The following ZNF804B variants were observed in gnomAD, a reference collection of about 807,000 sequenced individuals.
ZNF804B encodes the protein zinc finger 804B.
Under a neutral mutation model 101.4 loss-of-function variants are expected in ZNF804B, and 80 were observed. The observed-to-expected ratio is 0.79, with a 90% CI of 0.66 to 0.95. ZNF804B has a LOEUF of 0.95. Among genes scored for constraint, ZNF804B ranks in the 40% least tolerant of loss-of-function variants. The pLI is 0.00. For missense variants in ZNF804B, 1,673 were observed against 1,561.9 expected (o/e 1.07, Z -1.20); for synonymous variants, 622 against 558.8 (o/e 1.11, Z -1.59).
At chr7:89,020,357 CTGTT>C (rs949254004) in intron 1 of ZNF804B, among the ~76,000 whole-genome samples, 3 of 151,752 alleles carry the variant, frequency 2.0e-5, no homozygotes, top group Admixed American at 6.6e-5. Flanking sequence ...AATTTTTTGT[CTGTT>C]TGTTTTAGTA....
rs185313189 is a variant in ZNF804B at position 89,127,975 on chromosome 7, T to C, written c.109-90180T>C. ...TCAGTTTTACTTTAGAAAAATGAAA[T>C]AATACTGTGCATAATCTTTTATAAC... is the stretch of plus-strand genomic sequence containing the variant. On this transcript the variant is annotated intron_variant, in intron 1 of 3. Coordinates refer to ENST00000333190, the MANE Select transcript of ZNF804B (RefSeq NM_181646.5). Among the ~76,000 whole-genome samples the C allele has an allele frequency of 1.3e-4, 19 of 151,932 alleles. No individual in the cohort carries two copies. In the East Asian group the frequency reaches 3.5e-3, roughly 28 times the overall value.
At chr7:88,884,341 A>G (rs530689846) in intron 1 of ZNF804B, among the ~76,000 whole-genome samples, 2 of 151,912 alleles carry the variant, frequency 1.3e-5, no homozygotes, top group African/African-American at 4.8e-5. Context: ...TTTAAAATGA[A>G]AAGTACATGT....
chr7:89,245,745 C>T (rs1298959456), intron 2 of ZNF804B, among the ~76,000 whole-genome samples: 1 of 152,014 alleles, frequency 6.6e-6, no homozygotes, highest in African/African-American at 2.4e-5. Context: ...GGGAATCCAC[C>T]AGAATAATGA....
intron 2 of ZNF804B, among the ~76,000 whole-genome samples, chr7:89,264,244 T>A (rs1789751308): frequency 6.6e-6 from 1 of 152,174 alleles, no homozygotes; most frequent in Non-Finnish European, 1.5e-5. Context: ...GAGCCAAGCC[T>A]CTTTGAAATA....
At chr7:88,767,632 G>A (rs1790004257) in intron 1 of ZNF804B, among the ~76,000 whole-genome samples, 1 of 152,170 alleles carries the variant, frequency 6.6e-6, no homozygotes, top group Admixed American at 6.5e-5. Flanking sequence ...TGATATGAAA[G>A]GAAGAGGCAT....
rs57009140 is a variant in ZNF804B, at chr7:88,816,015, G to A, written c.108+55931G>A. On this transcript the variant is annotated intron_variant, in intron 1 of 3. Transcript: ENST00000333190. ...TTGAATGCTCTTGCTATCCTACTCC[G>A]ACTCTAAATATTTCACACCAGGCAA... Among the ~76,000 whole-genome samples, 372 of 152,074 alleles carry A rather than the reference G, an allele frequency of 2.4e-3. 3 individuals are homozygous for A. The highest frequency in any genetic ancestry group is 8.9e-3 in the African/African-American group (368 of 41,456).
intron 1 of ZNF804B, among the ~76,000 whole-genome samples, chr7:89,144,444 G>A (rs1363708752): frequency 6.6e-6 from 1 of 151,856 alleles, no homozygotes; most frequent in Non-Finnish European, 1.5e-5. Context: ...TATTAGCCAG[G>A]CATAGAAAGA....
intron 1 of ZNF804B, among the ~76,000 whole-genome samples, chr7:88,770,887 T>C (rs1485015643): frequency 2.0e-5 from 3 of 152,202 alleles, no homozygotes; most frequent in Non-Finnish European, 4.4e-5. Flanking sequence ...GAACATCCTA[T>C]GCAATGTATA....
At chr7:88,799,631 C>T (rs1790548372) in intron 1 of ZNF804B, among the ~76,000 whole-genome samples, 1 of 151,994 alleles carries the variant, frequency 6.6e-6, no homozygotes, top group Admixed American at 6.6e-5. Flanking sequence ...TCATTTGTCT[C>T]AGATTTATTG....
rs1411373423 is a variant in ZNF804B, at chr7:88,908,360, A to G, written c.108+148276A>G. Among the ~76,000 whole-genome samples, 4 of 151,716 alleles carry G rather than the reference A, an allele frequency of 2.6e-5. No individual in the cohort carries two copies. The South Asian group carries it at 6.2e-4, about 24-fold the overall frequency. ...TTTAATGAATGATAGTTACTCCCAG[A>G]AAAATAATGAACACCTGTACATATA... On this transcript the variant is annotated intron_variant, in intron 1 of 3. Transcript: ENST00000333190.
intron 1 of ZNF804B, among the ~76,000 whole-genome samples, chr7:89,020,576 G>A (rs1788651354): frequency 6.6e-6 from 1 of 152,028 alleles, no homozygotes; most frequent in Non-Finnish European, 1.5e-5. Context: ...TGTAATCCTT[G>A]AGCTTTCTGG....
chr7:89,248,852 A>G (rs2115782130), intron 2 of ZNF804B, among the ~76,000 whole-genome samples: 1 of 152,266 alleles, frequency 6.6e-6, no homozygotes, highest in South Asian at 2.1e-4. Context: ...TGAATTTAAA[A>G]AAAGCACACA....
intron 1 of ZNF804B, among the ~76,000 whole-genome samples, chr7:88,980,499 GT>G (rs1212826334): frequency 6.6e-6 from 1 of 152,012 alleles, no homozygotes; most frequent in East Asian, 1.9e-4. Context: ...CTAAGTCTTT[GT>G]TCACTGCAGC....
intron 1 of ZNF804B, among the ~76,000 whole-genome samples, chr7:88,940,090 AAATT>A (rs1388519715): frequency 4.4e-4 from 67 of 152,172 alleles, no homozygotes; most frequent in African/African-American, 1.4e-3. Flanking sequence ...GTGTTCTCAC[AAATT>A]AATTATGTAC....
intron 1 of ZNF804B, among the ~76,000 whole-genome samples, chr7:88,992,219 TTAAAGTCCTATTTTGCA>T (rs1793858010): frequency 6.6e-6 from 1 of 152,280 alleles, no homozygotes; most frequent in South Asian, 2.1e-4. Flanking sequence ...TTATGTTGCT[TTAAAGTCCTATTTTGCA>T]TACCAAAATT....
intron 1 of ZNF804B, among the ~76,000 whole-genome samples, chr7:89,052,673 C>A (rs1327701511): frequency 1.3e-5 from 2 of 152,238 alleles, no homozygotes; most frequent in East Asian, 1.9e-4. Flanking sequence ...AAGCACAGAA[C>A]TCAAACCTCG....
intron 1 of ZNF804B, among the ~76,000 whole-genome samples, chr7:89,027,955 T>C (rs537584603): frequency 6.6e-6 from 1 of 152,312 alleles, no homozygotes; most frequent in Admixed American, 6.5e-5. Context: ...AAGGCTGTAC[T>C]GGAATGTCAG....
chr7:88,941,908 T>C (rs972912230), intron 1 of ZNF804B, among the ~76,000 whole-genome samples: 11 of 151,836 alleles, frequency 7.2e-5, no homozygotes, highest in Non-Finnish European at 1.5e-4. Flanking sequence ...CAAAAGGAAA[T>C]CCAAGGTAAC....
intron 1 of ZNF804B, among the ~76,000 whole-genome samples, chr7:89,091,030 A>G (rs80282482): frequency 0.011 from 1,708 of 152,274 alleles, 13 homozygotes; most frequent in Middle Eastern, 0.017. Flanking sequence ...TGAGCTTTCC[A>G]TACATAATGC....
Sources: allele counts gnomAD v4.1 joint callset (sites outside exome capture counted in the v4.1 genomes callset), GRCh38; gene constraint gnomAD v4.1.1; transcripts MANE v1.5; gene names NCBI Gene and HGNC (gene_info 2026-07-23, HGNC 2026-07-21).